RFX8: variants seen among roughly 807,000 people sequenced by gnomAD.
RFX8 encodes regulatory factor X8, also known as DNA-binding protein RFX8.
RFX8 carries 46 observed loss-of-function variants against 54.6 expected under a neutral mutation model. The ratio of observed to expected loss-of-function variants is 0.84; its 90% CI spans 0.67 to 1.08. The LOEUF is 1.08. Among genes scored for constraint, RFX8 ranks in the 50% least tolerant of loss-of-function variants. RFX8 has a pLI of 0.00. For synonymous variants in RFX8, 192 were observed against 209.5 expected, an observed-to-expected ratio of 0.92 and a Z score of 0.72; for missense variants, 536 against 562.3, an observed-to-expected ratio of 0.95 and a Z score of 0.47.
rs1263385441 is a variant in RFX8, at chr2:101,453,164, C to G, written c.72+13613G>C. Among the ~76,000 whole-genome samples the G allele has an allele frequency of 2.0e-5, 3 of 146,512 alleles. 1 individual carries two copies. The highest frequency in any genetic ancestry group is 4.5e-5 in the Non-Finnish European group (3 of 66,768). On this transcript the variant is annotated intron_variant, in intron 2 of 11. Transcript: ENST00000428343. ...TGGTGGCACACACCTGTAGTCCCAG[C>G]TACTCTGGAGGCTGAGGCAGGAGAA... is the stretch of plus-strand genomic sequence containing the variant.
chr2:101,406,540 C>T (rs1273968486), intron 9 of RFX8, among the ~76,000 whole-genome samples: 1 of 151,998 alleles, frequency 6.6e-6, no homozygotes, highest in East Asian at 1.9e-4. Context: ...AAGGGTCTCA[C>T]TATGTTGCTC....
At chr2:101,424,922 G>A (rs1045887360) in intron 2 of RFX8, among the ~76,000 whole-genome samples, 1 of 152,074 alleles carries the variant, frequency 6.6e-6, no homozygotes, top group African/African-American at 2.4e-5. Flanking sequence ...TGTAAATGAC[G>A]AGTTGATGGG....
intron 10 of RFX8, among the ~76,000 whole-genome samples, chr2:101,405,292 G>A (rs939861023): frequency 6.6e-5 from 10 of 151,858 alleles, no homozygotes; most frequent in Non-Finnish European, 1.2e-4. Flanking sequence ...GATTACAAGC[G>A]TCCGCCACCG....
intron 2 of RFX8, among the ~76,000 whole-genome samples, chr2:101,457,171 GA>G (rs1487809494): frequency 6.6e-6 from 1 of 152,032 alleles, no homozygotes; most frequent in African/African-American, 2.4e-5. Context: ...TGGATTCATT[GA>G]TTTTTTTGAA....
Position 101,410,649 on chromosome 2 carries a change from C to G in RFX8, c.783G>C (p.Leu261=). 6.5e-7 allele frequency: 1 copy of G among 1,545,496 alleles called. No individual in the cohort carries two copies. Among genetic ancestry groups the G allele is most frequent in the Non-Finnish European group, 8.8e-7 (1 of 1,141,872 alleles). Reference sequence around the variant, plus strand: ...ACACAAATGCTTGGAGATGTGAAGACAGACAGCTGAGGAATACCCTGAGAT... The same window carrying G: ...ACACAAATGCTTGGAGATGTGAAGAGAGACAGCTGAGGAATACCCTGAGAT... The part of the protein sequence containing the change: ...STDLRVFLSC[L]SSHLQAFVFQ... Residue 261 remains leucine, a synonymous_variant, in exon 9 of 12, where the codon CTG becomes CTC. Transcript: ENST00000428343.
chr2:101,457,366 G>A (rs977286749), intron 2 of RFX8, among the ~76,000 whole-genome samples: 11 of 152,134 alleles, frequency 7.2e-5, no homozygotes, highest in South Asian at 6.2e-4. Context: ...TTCCCTCTAC[G>A]CACACTTTAA....
At chr2:101,450,868 C>G (rs1688637129) in intron 2 of RFX8, among the ~76,000 whole-genome samples, 1 of 152,222 alleles carries the variant, frequency 6.6e-6, no homozygotes, top group Non-Finnish European at 1.5e-5. Flanking sequence ...ACTTCATACA[C>G]TTTCACACAT....
intron 2 of RFX8, among the ~76,000 whole-genome samples, chr2:101,427,961 G>A (rs1411793925): frequency 6.6e-6 from 1 of 152,140 alleles, no homozygotes; most frequent in East Asian, 1.9e-4. Flanking sequence ...CGGACAGAAT[G>A]TTGTTATCCC....
chr2:101,402,071 C>T (rs914020142), intron 11 of RFX8, among the ~76,000 whole-genome samples: 3 of 152,204 alleles, frequency 2.0e-5, no homozygotes, highest in Non-Finnish European at 2.9e-5. Context: ...TCAGACTATT[C>T]GACGTTTCCG....
chr2:101,411,755 G>T (rs1029948421), intron 8 of RFX8, among the ~76,000 whole-genome samples: 2 of 152,156 alleles, frequency 1.3e-5, no homozygotes, highest in African/African-American at 4.8e-5. Context: ...TCAGCCAAGG[G>T]ACACTATCAA....
chr2:101,421,373 C>T, intron 4 of RFX8: 2 of 1,012,288 alleles, frequency 2.0e-6, no homozygotes, highest in Middle Eastern at 4.9e-4. Flanking sequence ...GCGTATCAAT[C>T]AAATGGCTCT....
intron 2 of RFX8, chr2:101,435,253 G>A (rs1259343572): frequency 2.6e-5 from 4 of 152,300 alleles, no homozygotes; most frequent in East Asian, 1.9e-4. Flanking sequence ...CAGTTTTAGA[G>A]GCTTTTTAAA....
chr2:101,459,680 C>G (rs953859187), intron 2 of RFX8, among the ~76,000 whole-genome samples: 2 of 152,138 alleles, frequency 1.3e-5, no homozygotes, highest in Non-Finnish European at 2.9e-5. Flanking sequence ...AGTCAGGCTA[C>G]GTGGGGGTCA....
intron 11 of RFX8, among the ~76,000 whole-genome samples, chr2:101,400,222 T>C (rs1685351674): frequency 6.6e-6 from 1 of 152,228 alleles, no homozygotes; most frequent in South Asian, 2.1e-4. Flanking sequence ...TTGACTAACA[T>C]TCTCCGCTTG....
At chr2:101,442,826 A>C (rs1688169047) in intron 2 of RFX8, among the ~76,000 whole-genome samples, 1 of 152,112 alleles carries the variant, frequency 6.6e-6, no homozygotes, top group Non-Finnish European at 1.5e-5. Context: ...ACTTCTCTCC[A>C]TGAGGGAGGT....
chr2:101,439,996 G>A (rs942850397), intron 2 of RFX8, among the ~76,000 whole-genome samples: 9 of 151,978 alleles, frequency 5.9e-5, no homozygotes, highest in African/African-American at 2.4e-5. Context: ...AAGGGAGAGT[G>A]TTCTCCTCCC....
chr2:101,422,554 C>G, intron 2 of RFX8, 82 bp from the exon 3 acceptor site: 1 of 787,966 alleles, frequency 1.3e-6, no homozygotes, highest in South Asian at 1.5e-5. Flanking sequence ...GATCACACTA[C>G]TATAAGTTAA....
rs572007717 is a variant in RFX8 at position 101,439,836 on chromosome 2, G to A, written c.73-17364C>T. ...CAAGCGATTCTCCTGTCGGCCTCCCGACATGCTAGAATGACAGGTGTGAGC... is the reference window on the plus strand; with the variant it reads ...CAAGCGATTCTCCTGTCGGCCTCCCAACATGCTAGAATGACAGGTGTGAGC... On this transcript the variant is annotated intron_variant, in intron 2 of 11. Coordinates refer to ENST00000428343, the MANE Select transcript of RFX8 (RefSeq NM_001145664.2). Among the ~76,000 whole-genome samples, 9 of 151,900 alleles carry A rather than the reference G, an allele frequency of 5.9e-5. No individual in the cohort carries two copies. In the South Asian group the frequency reaches 6.2e-4, roughly 11 times the overall value.
At chr2:101,461,279 A>AAAAAAAAAG (rs1553459153) in intron 2 of RFX8, among the ~76,000 whole-genome samples, 3 of 124,824 alleles carry the variant, frequency 2.4e-5, no homozygotes, top group African/African-American at 9.6e-5. Flanking sequence ...AAAAAAAAAA[A>AAAAAAAAAG]AAAGAAAGAA....
Sources: allele counts gnomAD v4.1 joint callset (sites outside exome capture counted in the v4.1 genomes callset), GRCh38; gene constraint gnomAD v4.1.1; transcripts MANE v1.5; gene names NCBI Gene and HGNC (gene_info 2026-07-23, HGNC 2026-07-21).